The following KSR1 variants were observed in gnomAD, a reference collection of about 807,000 sequenced individuals.
KSR1 encodes the protein kinase suppressor of ras 1.
In KSR1, 35 loss-of-function variants were observed where a neutral mutation model predicts 92.9. The ratio of observed to expected loss-of-function variants is 0.38; its 90% confidence interval spans 0.29 to 0.50. The LOEUF is 0.50. Ranked by LOEUF, KSR1 falls within the 20% of genes least tolerant of loss-of-function variation. The pLI, the probability that KSR1 is intolerant of heterozygous loss-of-function variation, is 0.94. For synonymous variants in KSR1, 467 were observed against 472.6 expected (o/e 0.99, Z 0.15); for missense variants, 972 against 1,158.5 (o/e 0.84, Z 2.34).
intron 1 of KSR1, among the ~76,000 whole-genome samples, chr17:27,534,026 G>T (rs768205759): frequency 6.6e-6 from 1 of 152,202 alleles, no homozygotes; most frequent in Non-Finnish European, 1.5e-5. Flanking sequence ...AGCTCCCCTT[G>T]CAGCCTGGGG....
intron 19 of KSR1, among the ~76,000 whole-genome samples, chr17:27,620,113 G>A (rs957148866): frequency 2.6e-5 from 4 of 152,262 alleles, no homozygotes; most frequent in African/African-American, 9.6e-5. Flanking sequence ...GTTCTTCACT[G>A]ATTCAGGCCA....
At chr17:27,495,321 T>C (rs988794869) in intron 1 of KSR1, among the ~76,000 whole-genome samples, 2 of 152,060 alleles carry the variant, frequency 1.3e-5, no homozygotes, top group Admixed American at 1.3e-4. Context: ...AAAAGCATAG[T>C]TTATATGTGT....
chr17:27,523,662 G>C (rs1472783456), intron 1 of KSR1, among the ~76,000 whole-genome samples: 1 of 152,176 alleles, frequency 6.6e-6, no homozygotes, highest in Non-Finnish European at 1.5e-5. Flanking sequence ...TCTGGATGTA[G>C]GTAACCCAAT....
chr17:27,545,653 G>A (rs1042743659), intron 1 of KSR1, among the ~76,000 whole-genome samples: 5 of 152,232 alleles, frequency 3.3e-5, no homozygotes, highest in African/African-American at 7.2e-5. Flanking sequence ...GCAGACAAGC[G>A]TGAAAAATCA....
Position 27,526,043 on chromosome 17 carries a change from T to TTTTCTTTTCTTTTCA in KSR1, c.232-24523_232-24522insTCTTTTCTTTTCATT, listed in dbSNP as rs1491434928. ...TTTTCTTTTCTTTTCTTTTCTTTTC[T>TTTTCTTTTCTTTTCA]TTCTCTCTCTCTCTCTCTCTTTCTT... is the stretch of plus-strand genomic sequence containing the variant. On this transcript the variant is annotated intron_variant, in intron 1 of 20. Transcript: ENST00000644974. Among the ~76,000 whole-genome samples, 2 of 82,774 alleles carry TTTTCTTTTCTTTTCA rather than the reference T, an allele frequency of 2.4e-5. 1 individual carries two copies. Among genetic ancestry groups the TTTTCTTTTCTTTTCA allele is most frequent in the Non-Finnish European group, 4.2e-5 (2 of 47,674 alleles). 54.3% of individuals were successfully genotyped at this position (82,774 alleles called of 152,430 possible).
In KSR1 at chr17:27,623,594, A is replaced by C. The variant is rs1171796340; in HGVS notation, c.*202A>C. ...TATTTCTTAAAATGACACCACCAAC[A>C]ACCAAACCTGTCATGACAGACAGCA... On this transcript the variant is annotated 3_prime_UTR_variant, in exon 21 of 21. Coordinates refer to ENST00000644974, the MANE Select transcript of KSR1 (RefSeq NM_001394583.1). The C allele has an allele frequency of 1.6e-6, 1 of 631,630 alleles. No individual in the cohort carries two copies. Among genetic ancestry groups the C allele is most frequent in the Non-Finnish European group, 2.8e-6 (1 of 356,074 alleles). 39.1% of individuals were successfully genotyped at this position (631,630 alleles called of 1,614,324 possible).
In KSR1 at chr17:27,607,990, A is replaced by T; in HGVS notation, c.2071A>T (p.Ile691Phe). 1 of 1,609,054 alleles carries T rather than the reference A, an allele frequency of 6.2e-7. No individual in the cohort carries two copies. The stretch of plus-strand genomic sequence containing the variant: ...TCTGGACATCAACAAGACGAGGCAA[A>T]TCGCTCAGGAGATCATCAAGGTGAG... ...TSLDINKTRQ[I>F]AQEIIKGMGY... Residue 691 changes from isoleucine to phenylalanine, a missense_variant, in exon 15 of 21, where the codon ATC becomes TTC. Physicochemically the swap from Ile to Phe is conservative, Grantham distance 21. Around this residue, in one of 5 missense-constraint regions of KSR1, gnomAD observed 260 missense variants for 375.2 expected, o/e 0.69. Coordinates refer to ENST00000644974, the MANE Select transcript of KSR1 (RefSeq NM_001394583.1).
intron 1 of KSR1, among the ~76,000 whole-genome samples, chr17:27,475,921 A>G (rs1405272706): frequency 6.6e-6 from 1 of 152,308 alleles, no homozygotes; most frequent in Admixed American, 6.5e-5. Flanking sequence ...TGTATGTGGC[A>G]TTTGTAGTCC....
At chr17:27,565,832 A>G (rs1391427739) in intron 2 of KSR1, among the ~76,000 whole-genome samples, 7 of 152,244 alleles carry the variant, frequency 4.6e-5, no homozygotes, top group African/African-American at 1.7e-4. Flanking sequence ...ACCCCCACAT[A>G]ACCCTGCCAG....
At chr17:27,550,099 G>A (rs917656993) in intron 1 of KSR1, among the ~76,000 whole-genome samples, 2 of 152,180 alleles carry the variant, frequency 1.3e-5, no homozygotes, top group African/African-American at 4.8e-5. Context: ...GAGTACGGTG[G>A]TGTGATGATG....
Position 27,459,245 on chromosome 17 carries a change from C to A in KSR1, c.231+2371C>A, listed in dbSNP as rs917770903. ...CACCTGCAGCATTTTGTCTGTCAGT[C>A]CGTGCTGATACTACGAAAAGAGTCT... On this transcript the variant is annotated intron_variant, in intron 1 of 20. Transcript: ENST00000644974. The surrounding 1 kb of genome is among the most constrained non-coding windows in gnomAD (Gnocchi z 4.6). 1.3e-5 allele frequency among the ~76,000 whole-genome samples: 2 copies of A among 152,180 alleles called. No individual in the cohort carries two copies. The highest frequency in any genetic ancestry group is 4.8e-5 in the African/African-American group (2 of 41,436).
At chr17:27,499,748 T>C (rs1235920144) in intron 1 of KSR1, among the ~76,000 whole-genome samples, 1 of 152,200 alleles carries the variant, frequency 6.6e-6, no homozygotes. Context: ...TTCAATAATG[T>C]GTTAGTGAAA....
At chr17:27,488,086 A>G (rs2068720464) in intron 1 of KSR1, among the ~76,000 whole-genome samples, 1 of 152,204 alleles carries the variant, frequency 6.6e-6, no homozygotes, top group Non-Finnish European at 1.5e-5. Flanking sequence ...GGCATTCATA[A>G]CAGCTTTTAG....
intron 1 of KSR1, among the ~76,000 whole-genome samples, chr17:27,507,217 G>C (rs1027917267): frequency 2.6e-5 from 4 of 152,104 alleles, no homozygotes; most frequent in African/African-American, 9.7e-5. Context: ...GGCAGATTAC[G>C]AGGTCAGGAA....
chr17:27,527,076 G>A, intron 1 of KSR1: 1 of 431,628 alleles, frequency 2.3e-6, no homozygotes, highest in Non-Finnish European at 4.4e-6. Flanking sequence ...AGCGCCTGCA[G>A]GTACATTGAT....
At chr17:27,492,814 A>G (rs963576138) in intron 1 of KSR1, among the ~76,000 whole-genome samples, 1 of 152,198 alleles carries the variant, frequency 6.6e-6, no homozygotes, top group Non-Finnish European at 1.5e-5. Flanking sequence ...TTCCCCATGT[A>G]CAAAATGGGG....
At chr17:27,581,856 G>A (rs2072770841) in intron 3 of KSR1, among the ~76,000 whole-genome samples, 1 of 152,172 alleles carries the variant, frequency 6.6e-6, no homozygotes, top group Non-Finnish European at 1.5e-5. Flanking sequence ...ACAGGATCAT[G>A]GTAGGGGCAG....
Position 27,592,348 on chromosome 17 carries a change from C to T in KSR1, c.1131-13C>T. On this transcript the variant is annotated splice_polypyrimidine_tract_variant and intron_variant, in intron 7 of 20. Transcript: ENST00000644974. ...TGTGGTGCTTTGCACACCAACCTCC[C>T]CTTCTTTACCAGGTTGAAGTGTCAC... The T allele has an allele frequency of 6.2e-7, 1 of 1,613,326 alleles. No homozygotes were observed. The highest frequency in any genetic ancestry group is 8.5e-7 in the Non-Finnish European group (1 of 1,179,316).
chr17:27,515,937 C>T (rs1471534933), intron 1 of KSR1, among the ~76,000 whole-genome samples: 1 of 152,082 alleles, frequency 6.6e-6, no homozygotes, highest in African/African-American at 2.4e-5. Context: ...TTGAAATCTT[C>T]TCCAGTCAAG....
Sources: allele counts gnomAD v4.1 joint callset (sites outside exome capture counted in the v4.1 genomes callset), GRCh38; gene constraint gnomAD v4.1.1; regional missense constraint gnomAD v4.1.1; non-coding constraint Gnocchi (gnomAD v3.1); transcripts MANE v1.5; gene names NCBI Gene and HGNC (gene_info 2026-07-23, HGNC 2026-07-21).